Variants in GLT1D1 observed in about 807,000 individuals in gnomAD.
The protein encoded by GLT1D1 is glycosyltransferase 1 domain-containing protein 1.
Under a neutral mutation model 28.7 loss-of-function variants are expected in GLT1D1, and 21 were observed. The observed-to-expected ratio is 0.73, with a 90% confidence interval of 0.52 to 1.05. The LOEUF (loss-of-function observed/expected upper bound fraction) is 1.05. Ranked by LOEUF, GLT1D1 falls within the 50% of genes least tolerant of loss-of-function variation. The probability of loss-of-function intolerance (pLI) is 0.00; values close to 1 mark genes in which losing one functional copy is unlikely to be tolerated. For synonymous variants in GLT1D1, 147 were observed against 124.8 expected, an observed-to-expected ratio of 1.18 and a Z score of -1.19; for missense variants, 343 against 330.6, an observed-to-expected ratio of 1.04 and a Z score of -0.29.
chr12:128,920,005 C>A (rs540721), intron 4 of GLT1D1, among the ~76,000 whole-genome samples: 139,593 of 141,954 alleles, frequency 0.98, 68,664 homozygotes, highest in East Asian at 1. Flanking sequence ...CTCCATCTCT[C>A]TCTCTATCTC....
At chr12:128,934,611 T>G (rs995665120) in intron 4 of GLT1D1, among the ~76,000 whole-genome samples, 2 of 152,056 alleles carry the variant, frequency 1.3e-5, no homozygotes, top group Non-Finnish European at 2.9e-5. Flanking sequence ...CCACACCAGC[T>G]CAGTCCTGAG....
At chr12:128,952,750 C>T (rs370138973) in intron 6 of GLT1D1, among the ~76,000 whole-genome samples, 1 of 132,560 alleles carries the variant, frequency 7.5e-6, no homozygotes, top group Non-Finnish European at 1.6e-5. Context: ...TCTGGGATTA[C>T]AGGTGTGAGC....
At chr12:128,903,226 G>T (rs545318742) in intron 4 of GLT1D1, among the ~76,000 whole-genome samples, 3 of 151,656 alleles carry the variant, frequency 2.0e-5, no homozygotes, top group South Asian at 4.2e-4. Context: ...CCTTAAACAC[G>T]CAGGGTGGCC....
At chr12:128,928,181 A>T (rs1263326511) in intron 4 of GLT1D1, among the ~76,000 whole-genome samples, 1 of 152,040 alleles carries the variant, frequency 6.6e-6, no homozygotes, top group Non-Finnish European at 1.5e-5. Context: ...TGCTCAACAA[A>T]CTTGGCACGG....
At chr12:128,942,738 T>G (rs1240611015) in intron 4 of GLT1D1, among the ~76,000 whole-genome samples, 3 of 99,762 alleles carry the variant, frequency 3.0e-5, no homozygotes, top group African/African-American at 7.4e-5. Context: ...TTTCTTTGTT[T>G]GTTTGTTTTT....
At chr12:128,887,590 T>A (rs1249768425) in intron 2 of GLT1D1, among the ~76,000 whole-genome samples, 6 of 152,112 alleles carry the variant, frequency 3.9e-5, no homozygotes, top group African/African-American at 1.4e-4. Context: ...ACTGTGCTAC[T>A]TTTAGCAGCC....
intron 7 of GLT1D1, among the ~76,000 whole-genome samples, chr12:128,981,968 G>A (rs1880358109): frequency 6.6e-6 from 1 of 152,148 alleles, no homozygotes; most frequent in South Asian, 2.1e-4. Flanking sequence ...CACGCGCATG[G>A]AGAGTAACGA....
intron 7 of GLT1D1, 50 bp from the exon 12 acceptor site, chr12:128,982,879 A>C: frequency 6.3e-7 from 1 of 1,591,760 alleles, no homozygotes; most frequent in Non-Finnish European, 8.6e-7. Context: ...GCATTTGCAA[A>C]ATCTCCCTTC....
chr12:128,906,949 G>A, intron 4 of GLT1D1: 1 of 702,570 alleles, frequency 1.4e-6, no homozygotes. Context: ...TGCAGTTCCT[G>A]TACAGGTGAG....
At chr12:128,886,574 G>T (rs142387772) in intron 2 of GLT1D1, among the ~76,000 whole-genome samples, 1 of 151,990 alleles carries the variant, frequency 6.6e-6, no homozygotes, top group Non-Finnish European at 1.5e-5. Flanking sequence ...CAGCCTTGAG[G>T]GGCATCCACA....
chr12:128,941,301 C>A lies in GLT1D1; in HGVS notation c.376-4025C>A, dbSNP rs146671149. ...TAAAAAATATTTTGATATGGTCAGA[C>A]CTTTGGTCATAGACTTACTAAGGAT... On this transcript the variant is annotated intron_variant, in intron 4 of 7. Transcript: ENST00000281703. Among the ~76,000 whole-genome samples, 690 of 152,312 alleles carry A rather than the reference C, an allele frequency of 4.5e-3. 3 individuals are homozygous for A. Among genetic ancestry groups the A allele is most frequent in the African/African-American group, 0.016 (650 of 41,562 alleles).
chr12:128,879,089 A>G (rs532326264), intron 2 of GLT1D1, among the ~76,000 whole-genome samples: 1 of 152,318 alleles, frequency 6.6e-6, no homozygotes, highest in South Asian at 2.1e-4. Flanking sequence ...TGCAGTCACA[A>G]AGCCTCAGCC....
intron 7 of GLT1D1, among the ~76,000 whole-genome samples, chr12:128,961,389 T>A (rs1877923889): frequency 6.6e-6 from 1 of 152,100 alleles, no homozygotes; most frequent in African/African-American, 2.4e-5. Flanking sequence ...CCACTCACAA[T>A]CACCAAGGTA....
chr12:128,886,938 C>T (rs1297961359), intron 2 of GLT1D1, among the ~76,000 whole-genome samples: 1 of 151,972 alleles, frequency 6.6e-6, no homozygotes, highest in African/African-American at 2.4e-5. Flanking sequence ...TGGAAAAGTT[C>T]TTACAGGTCT....
rs1219784154 is a variant in GLT1D1 at position 128,874,100 on chromosome 12, C to CTTTCTTTCTT, written c.69-1813_69-1812insTTCTTTCTTT. On this transcript the variant is annotated intron_variant, in intron 1 of 7. Transcript: ENST00000281703. ...TCTTTCTTTCTTTCTTTCTTTCTTT[C>CTTTCTTTCTT]TCTCTCTCTCTCTCTCTCTCTCTCT... is the stretch of plus-strand genomic sequence containing the variant. Among the ~76,000 whole-genome samples the CTTTCTTTCTT allele has an allele frequency of 3.4e-3, 146 of 43,028 alleles. 6 individuals carry two copies. Among genetic ancestry groups the CTTTCTTTCTT allele is most frequent in the African/African-American group, 0.014 (129 of 8,958 alleles). 28.2% of individuals were successfully genotyped at this position (43,028 alleles called of 152,430 possible). A position where few individuals can be genotyped will look rare whatever the true frequency, so the allele number is the denominator to read the frequency against.
chr12:128,982,630 T>A (rs1463147767), intron 7 of GLT1D1, among the ~76,000 whole-genome samples: 3 of 151,878 alleles, frequency 2.0e-5, no homozygotes, highest in African/African-American at 7.3e-5. Flanking sequence ...GGGAAGGGAG[T>A]TGATGGCTCC....
chr12:128,977,503 A>G (rs990247194), intron 7 of GLT1D1, among the ~76,000 whole-genome samples: 5 of 152,172 alleles, frequency 3.3e-5, no homozygotes, highest in Non-Finnish European at 7.3e-5. Flanking sequence ...TTAACATGGA[A>G]CACTTTTACA....
intron 4 of GLT1D1, among the ~76,000 whole-genome samples, chr12:128,941,476 C>T (rs796154332): frequency 3.9e-5 from 6 of 152,212 alleles, no homozygotes; most frequent in African/African-American, 1.4e-4. Flanking sequence ...AGGGTTCTCA[C>T]TCACCACACT....
chr12:128,935,825 C>T (rs1593156666), intron 4 of GLT1D1, among the ~76,000 whole-genome samples: 1 of 152,116 alleles, frequency 6.6e-6, no homozygotes, highest in African/African-American at 2.4e-5. Flanking sequence ...TTAGCAAGAA[C>T]TTTTTAAAAA....
Sources: allele counts gnomAD v4.1 joint callset (sites outside exome capture counted in the v4.1 genomes callset), GRCh38; gene constraint gnomAD v4.1.1; transcripts MANE v1.5; gene names NCBI Gene and HGNC (gene_info 2026-07-23, HGNC 2026-07-21).